ITPR3: variants seen among roughly 807,000 people sequenced by gnomAD.
ITPR3 encodes the protein inositol 1,4,5-trisphosphate receptor type 3, also known as inositol 1,4,5-trisphosphate-gated calcium channel ITPR3.
ITPR3 carries 173 observed loss-of-function variants against 293.2 expected under a neutral mutation model. The ratio of observed to expected loss-of-function variants is 0.59; its 90% CI spans 0.52 to 0.67. The LOEUF (loss-of-function observed/expected upper bound fraction) is 0.67, where lower values mean the gene tolerates loss of function less well. ITPR3 is among the 30% of genes least tolerant of loss of function. The probability of loss-of-function intolerance (pLI) is 0.00; values close to 1 mark genes in which losing one functional copy is unlikely to be tolerated. For missense variants in ITPR3, 2,796 were observed against 3,592.1 expected, an observed-to-expected ratio of 0.78 and a Z score of 5.66; for synonymous variants, 1,295 against 1,444.4, an observed-to-expected ratio of 0.90 and a Z score of 2.35.
intron 3 of ITPR3, 82 bp from the exon 4 acceptor site, chr6:33,657,850 C>A: frequency 9.3e-7 from 1 of 1,079,206 alleles, no homozygotes; most frequent in Non-Finnish European, 1.4e-6. Context: ...TGCATGTGTG[C>A]GTGCATGTGT....
chr6:33,646,787 C>T lies in ITPR3; in HGVS notation c.160+6233C>T, dbSNP rs558667047. Among the ~76,000 whole-genome samples, 189 of 152,134 alleles carry T rather than the reference C, an allele frequency of 1.2e-3. 1 individual carries two copies. The highest frequency in any genetic ancestry group is 4.3e-3 in the African/African-American group (180 of 41,486). ...CAAAAATTAGCTGGATGTGGTGGTACACCCCTGTAGTCTCAGCTACACAGG... is the reference window on the plus strand; with the variant it reads ...CAAAAATTAGCTGGATGTGGTGGTATACCCCTGTAGTCTCAGCTACACAGG... On this transcript the variant is annotated intron_variant, in intron 2 of 57. Coordinates refer to ENST00000605930, the MANE Select transcript of ITPR3 (RefSeq NM_002224.4).
In ITPR3 at chr6:33,675,592, G is replaced by T. The variant is rs1764882637; in HGVS notation, c.3117-99G>T. 1.5e-6 allele frequency: 2 copies of T among 1,319,012 alleles called. No homozygotes were observed. The highest frequency in any genetic ancestry group is 2.1e-6 in the Non-Finnish European group (2 of 972,792). 81.7% of individuals were successfully genotyped at this position (1,319,012 alleles called of 1,614,324 possible). A position where few individuals can be genotyped will look rare whatever the true frequency, so the allele number is the denominator to read the frequency against. On this transcript the variant is annotated intron_variant, in intron 24 of 57. Coordinates refer to ENST00000605930, the MANE Select transcript of ITPR3 (RefSeq NM_002224.4). The surrounding 1 kb of genome is among the most constrained non-coding windows in gnomAD (Gnocchi z 5.0). ...AGACTGGCCCTGCATCTGCTAATTG[G>T]GTGGCGGAGAGTGTGCTTGTGCCAG...
chr6:33,624,550 T>G lies in ITPR3; in HGVS notation c.89+2859T>G, dbSNP rs954636284. 1.3e-5 allele frequency among the ~76,000 whole-genome samples: 2 copies of G among 152,236 alleles called. No individual in the cohort carries two copies. The highest frequency in any genetic ancestry group is 2.9e-5 in the Non-Finnish European group (2 of 68,038). On this transcript the variant is annotated intron_variant, in intron 1 of 57. Coordinates refer to ENST00000605930, the MANE Select transcript of ITPR3 (RefSeq NM_002224.4). The surrounding 1 kb of genome is among the most constrained non-coding windows in gnomAD (Gnocchi z 4.7). Reference sequence around the variant, plus strand: ...CATTAAAGTGTGAGGAGCGTTGCTCTGAGTGATTTTCTCTCTGCCCCATCC... The same window carrying G: ...CATTAAAGTGTGAGGAGCGTTGCTCGGAGTGATTTTCTCTCTGCCCCATCC...
chr6:33,627,133 T>C (rs897393711), intron 1 of ITPR3, among the ~76,000 whole-genome samples: 13 of 152,192 alleles, frequency 8.5e-5, no homozygotes, highest in Non-Finnish European at 1.6e-4. Context: ...TGTGATTTCA[T>C]TGGAAGAAGA....
Position 33,662,987 on chromosome 6 carries a change from G to A in ITPR3, c.935G>A (p.Gly312Asp), listed in dbSNP as rs768389399. ...TACCGCTTCAAGCACCTGGCTACAGGCAACTACCTGGCTGCTGAGGTGAGC... is the reference window on the plus strand; with the variant it reads ...TACCGCTTCAAGCACCTGGCTACAGACAACTACCTGGCTGCTGAGGTGAGC... ...GLYRFKHLAT[G>D]NYLAAEENPS... is the part of the protein sequence containing the mutation. Residue 312 changes from glycine (G) to aspartate (D), a missense_variant, in exon 9 of 58, where the codon GGC (glycine) becomes GAC (aspartate). Around this residue, in one of 8 missense-constraint regions of ITPR3, gnomAD observed 955 missense variants for 1,180.8 expected, o/e 0.81. Transcript: ENST00000605930. 3 of 1,601,424 alleles carry A rather than the reference G, an allele frequency of 1.9e-6. No individual in the cohort carries two copies. In the Admixed American group the frequency reaches 5.1e-5, roughly 27 times the overall value.
intron 2 of ITPR3, among the ~76,000 whole-genome samples, chr6:33,641,067 C>T (rs1000385494): frequency 6.6e-6 from 1 of 152,198 alleles, no homozygotes; most frequent in Non-Finnish European, 1.5e-5. Context: ...ATAACAAAGC[C>T]CCTTGGTGGG....
chr6:33,669,427 T>C (rs894345636), intron 18 of ITPR3, among the ~76,000 whole-genome samples: 1 of 152,212 alleles, frequency 6.6e-6, no homozygotes, highest in East Asian at 1.9e-4. Context: ...ACATGTATAT[T>C]ATTAAAATAA....
In ITPR3 at chr6:33,687,547, G is replaced by T. The variant is rs760884548; in HGVS notation, c.6247G>T (p.Glu2083Ter). 6.3e-7 allele frequency: 1 copy of T among 1,588,076 alleles called. No homozygotes were observed. The highest frequency in any genetic ancestry group is 8.6e-7 in the Non-Finnish European group (1 of 1,160,866). The stretch of plus-strand genomic sequence containing the variant: ...GAAGCGCATTCAAGAGGAGGAGGCC[G>T]AGGGTATCTCTTCCATGGTGGGTGC... ...PVKRIQEEEA[E>*]GISSMLSLNN... The change falls in exon 46 of 58, where the codon GAG (glutamate) becomes TAG (stop). Residue 2083 changes from glutamate (E) to a stop codon, truncating the protein, a stop_gained. Coordinates refer to ENST00000605930, the MANE Select transcript of ITPR3 (RefSeq NM_002224.4). LOFTEE classifies it high-confidence loss of function. The surrounding 1 kb of genome is among the most constrained non-coding windows in gnomAD (Gnocchi z 5.3).
intron 2 of ITPR3, among the ~76,000 whole-genome samples, chr6:33,642,599 C>T (rs1479553512): frequency 1.3e-5 from 2 of 152,086 alleles, no homozygotes; most frequent in African/African-American, 4.8e-5. Context: ...TTTTTGACAA[C>T]AACAAAGCCA....
Position 33,655,722 on chromosome 6 carries a change from C to T in ITPR3, c.161-44C>T. 5 of 1,612,808 alleles carry T rather than the reference C, an allele frequency of 3.1e-6. No homozygotes were observed. Among genetic ancestry groups the T allele is most frequent in the Non-Finnish European group, 4.2e-6 (5 of 1,179,232 alleles). ...GTTTTCTCCAGGGAGGGCCCTGAGCCCCAGATGAATCATTCCCCTCACCCC... is the reference window on the plus strand; with the variant it reads ...GTTTTCTCCAGGGAGGGCCCTGAGCTCCAGATGAATCATTCCCCTCACCCC... On this transcript the variant is annotated intron_variant, in intron 2 of 57. Transcript: ENST00000605930. The surrounding 1 kb of genome is among the most constrained non-coding windows in gnomAD (Gnocchi z 4.9).
chr6:33,644,267 G>A (rs928000501), intron 2 of ITPR3, among the ~76,000 whole-genome samples: 6 of 151,404 alleles, frequency 4.0e-5, no homozygotes, highest in South Asian at 4.2e-4. Flanking sequence ...TTTTTGCTAC[G>A]TTTATTTCAG....
chr6:33,660,268 G>A (rs1255940992), intron 7 of ITPR3, among the ~76,000 whole-genome samples: 1 of 152,078 alleles, frequency 6.6e-6, no homozygotes, highest in African/African-American at 2.4e-5. Context: ...AGGGGAGCAG[G>A]CAGGAACATC....
Position 33,632,916 on chromosome 6 carries a change from G to A in ITPR3, c.90-7568G>A, listed in dbSNP as rs1441668769. ...CAGCACATAGTAGGCTCGTGGTGAG[G>A]TCTGTCGAGTAGATGGAGGCCTGGG... On this transcript the variant is annotated intron_variant, in intron 1 of 57. Transcript: ENST00000605930. This position sits in a 1 kb window ranked among gnomAD's most constrained non-coding sequence, Gnocchi z 4.1. Among the ~76,000 whole-genome samples, 3 of 152,232 alleles carry A rather than the reference G, an allele frequency of 2.0e-5. No homozygotes were observed. Among genetic ancestry groups the A allele is most frequent in the African/African-American group, 7.2e-5 (3 of 41,468 alleles).
At chr6:33,686,383 C>T in intron 42 of ITPR3, 26 bp from the exon 43 acceptor site, 1 of 1,606,472 alleles carries the variant, frequency 6.2e-7, no homozygotes, top group Non-Finnish European at 8.5e-7. Context: ...GGCCTGGGCC[C>T]TGTGTCCCCC....
chr6:33,643,364 C>A (rs1201077469), intron 2 of ITPR3, among the ~76,000 whole-genome samples: 1 of 152,218 alleles, frequency 6.6e-6, no homozygotes, highest in African/African-American at 2.4e-5. Flanking sequence ...GGGAAGGAAT[C>A]CCTGCATGGC....
Position 33,678,444 on chromosome 6 carries a change from C to T in ITPR3, c.3672C>T (p.Ile1224=). 6.2e-7 allele frequency: 1 copy of T among 1,613,786 alleles called. No individual in the cohort carries two copies. The highest frequency in any genetic ancestry group is 8.5e-7 in the Non-Finnish European group (1 of 1,179,988). The change falls in exon 29 of 58, where the codon ATC becomes ATT. Residue 1224 remains isoleucine (I), a synonymous_variant. Coordinates refer to ENST00000605930, the MANE Select transcript of ITPR3 (RefSeq NM_002224.4). ...YDKGDAKMME[I]LRYTHQFLQK... ...AGGGTGATGCCAAGATGATGGAGATCCTGCGCTACACGCACCAGTTCCTGC... is the reference window on the plus strand; with the variant it reads ...AGGGTGATGCCAAGATGATGGAGATTCTGCGCTACACGCACCAGTTCCTGC...
Position 33,683,948 on chromosome 6 carries a change from G to C in ITPR3, c.4789-72G>C. The C allele has an allele frequency of 6.6e-7, 1 of 1,515,310 alleles. No homozygotes were observed. Among genetic ancestry groups the C allele is most frequent in the Admixed American group, 1.9e-5 (1 of 53,178 alleles). 93.9% of individuals were successfully genotyped at this position (1,515,310 alleles called of 1,614,324 possible). A position where few individuals can be genotyped will look rare whatever the true frequency, so the allele number is the denominator to read the frequency against. ...CAATCTGTGGGGCTGTTTGGCGTTTGGGTCGGAGGAATGGCAGTCACACCC... is the reference window on the plus strand; with the variant it reads ...CAATCTGTGGGGCTGTTTGGCGTTTCGGTCGGAGGAATGGCAGTCACACCC... On this transcript the variant is annotated intron_variant, in intron 35 of 57. Coordinates refer to ENST00000605930, the MANE Select transcript of ITPR3 (RefSeq NM_002224.4). The surrounding 1 kb of genome is among the most constrained non-coding windows in gnomAD (Gnocchi z 4.5).
At chr6:33,694,707 G>C in intron 56 of ITPR3, 1 of 568,658 alleles carries the variant, frequency 1.8e-6, no homozygotes, top group Admixed American at 3.3e-5. Context: ...ACGGAAGTCA[G>C]CCTGTCTCGG....
chr6:33,683,365 T>TG lies in ITPR3; in HGVS notation c.4759dup (p.Asp1587GlyfsTer7), dbSNP rs766417438. 61 of 1,593,588 alleles carry TG rather than the reference T, an allele frequency of 3.8e-5. No homozygotes were observed. Among genetic ancestry groups the TG allele is most frequent in the Non-Finnish European group, 5.0e-5 (59 of 1,170,064 alleles). On this transcript the variant is annotated frameshift_variant, in exon 35 of 58. Coordinates refer to ENST00000605930, the MANE Select transcript of ITPR3 (RefSeq NM_002224.4). LOFTEE classifies it high-confidence loss of function. The surrounding 1 kb of genome is among the most constrained non-coding windows in gnomAD (Gnocchi z 4.5). ...CCGCGTCACCCCCACCGCCAACCAGTGGGACTACAAGAACATCATTGAGAA... is the reference window on the plus strand; with the variant it reads ...CCGCGTCACCCCCACCGCCAACCAGTGGGGACTACAAGAACATCATTGAGAA...
Sources: allele counts gnomAD v4.1 joint callset (sites outside exome capture counted in the v4.1 genomes callset), GRCh38; gene constraint gnomAD v4.1.1; regional missense constraint gnomAD v4.1.1; non-coding constraint Gnocchi (gnomAD v3.1); transcripts MANE v1.5; gene names NCBI Gene and HGNC (gene_info 2026-07-23, HGNC 2026-07-21).